The following GALNT13 variants were observed in gnomAD, a reference collection of about 807,000 sequenced individuals.
GALNT13 encodes the protein polypeptide N-acetylgalactosaminyltransferase 13, also known as UDP-GalNAc:polypeptide N-acetylgalactosaminyltransferase 13.
In GALNT13, 28 loss-of-function variants were observed where a neutral mutation model predicts 64.2. The ratio of observed to expected loss-of-function variants is 0.44; its 90% CI spans 0.32 to 0.60. The LOEUF is 0.60. GALNT13 is among the 20% of genes least tolerant of loss of function. GALNT13 has a pLI of 0.05. For synonymous variants in GALNT13, 214 were observed against 224.6 expected (o/e 0.95, Z 0.42); for missense variants, 577 against 669.8 (o/e 0.86, Z 1.53).
the GALNT13 span, among the ~76,000 whole-genome samples, chr2:153,405,936 G>A: frequency 6.6e-6 from 1 of 152,258 alleles, no homozygotes. Flanking sequence ...GTTAGAGAGC[G>A]CTTCGTAGGG....
the GALNT13 span, among the ~76,000 whole-genome samples, chr2:153,148,098 G>T: frequency 2.6e-5 from 4 of 151,762 alleles, no homozygotes; most frequent in African/African-American, 9.7e-5. Flanking sequence ...ACATTTGGGG[G>T]AACTCTAATA....
the GALNT13 span, among the ~76,000 whole-genome samples, chr2:153,616,419 G>C: frequency 6.6e-6 from 1 of 151,780 alleles, no homozygotes; most frequent in African/African-American, 2.4e-5. Context: ...TGTGTCTTAT[G>C]TGGTTCCATA....
the GALNT13 span, among the ~76,000 whole-genome samples, chr2:153,446,088 A>G: frequency 6.6e-6 from 1 of 152,224 alleles, no homozygotes; most frequent in East Asian, 1.9e-4. Flanking sequence ...ATTAAAAAAG[A>G]ATTAGAGTCT....
At chr2:153,645,528 A>C in the GALNT13 span, among the ~76,000 whole-genome samples, 1 of 152,154 alleles carries the variant, frequency 6.6e-6, no homozygotes, top group Admixed American at 6.6e-5. Context: ...AAAATTATGC[A>C]AATAGAATAC....
At chr2:153,476,069 A>AC in the GALNT13 span, among the ~76,000 whole-genome samples, 1 of 152,140 alleles carries the variant, frequency 6.6e-6, no homozygotes, top group African/African-American at 2.4e-5. Context: ...AAGCAAACAA[A>AC]CCCTTACCTG....
chr2:153,893,542 T>C (rs1045068035), intron 1 of GALNT13, among the ~76,000 whole-genome samples: 1 of 152,134 alleles, frequency 6.6e-6, no homozygotes, highest in Non-Finnish European at 1.5e-5. Context: ...TGAATTGTTA[T>C]ACTGAATTTA....
the GALNT13 span, among the ~76,000 whole-genome samples, chr2:153,797,673 G>T: frequency 6.6e-6 from 1 of 152,130 alleles, no homozygotes; most frequent in Non-Finnish European, 1.5e-5. Context: ...CTCCCCTTGT[G>T]ATGAGAGGCT....
chr2:153,682,058 A>G, the GALNT13 span, among the ~76,000 whole-genome samples: 8 of 151,680 alleles, frequency 5.3e-5, no homozygotes, highest in East Asian at 5.8e-4. Flanking sequence ...TGAACGTTCA[A>G]TGTCGTGGCA....
chr2:153,345,711 CT>C, the GALNT13 span, among the ~76,000 whole-genome samples: 5 of 48,358 alleles, frequency 1.0e-4, no homozygotes, highest in South Asian at 1.9e-3. Flanking sequence ...TTCTCTTTCT[CT>C]CTTTCTGTCC....
the GALNT13 span, among the ~76,000 whole-genome samples, chr2:153,080,530 T>G: frequency 6.6e-6 from 1 of 152,170 alleles, no homozygotes; most frequent in Non-Finnish European, 1.5e-5. Context: ...GGTATTGATC[T>G]ACCATTTCTT....
At chr2:153,531,176 C>T in the GALNT13 span, among the ~76,000 whole-genome samples, 29 of 152,210 alleles carry the variant, frequency 1.9e-4, no homozygotes, top group Admixed American at 1.0e-3. Flanking sequence ...TAAAGAAATA[C>T]CTAAGAATGG....
chr2:153,465,182 A>T, the GALNT13 span, among the ~76,000 whole-genome samples: 2 of 152,104 alleles, frequency 1.3e-5, no homozygotes, highest in Admixed American at 6.6e-5. Context: ...AGCCTGAAAC[A>T]TTACTCTTGT....
At position 154,298,709 on chromosome 2, in the gene GALNT13, T is replaced by G. The variant is rs189191075; in HGVS notation, c.976-2700T>G. Among the ~76,000 whole-genome samples, 299 of 71,850 alleles carry G rather than the reference T, an allele frequency of 4.2e-3. 51 individuals carry two copies. The highest frequency in any genetic ancestry group is 0.02 in the Middle Eastern group (1 of 50). The allele number at this position is 71,850 out of a possible 152,430, so 47.1% of individuals were successfully genotyped here. A position where few individuals can be genotyped will look rare whatever the true frequency, so the allele number is the denominator to read the frequency against. On this transcript the variant is annotated intron_variant, in intron 8 of 12. Transcript: ENST00000392825. ...TTTATATATACATTGTATATACAAT[T>G]TATATATAAATTATATTATTTATAT...
the GALNT13 span, among the ~76,000 whole-genome samples, chr2:153,362,592 T>C: frequency 1.4e-5 from 2 of 140,152 alleles, no homozygotes; most frequent in African/African-American, 5.3e-5. Context: ...GTTGCAATCC[T>C]AGTCTCTGAC....
chr2:153,806,428 G>A, the GALNT13 span, among the ~76,000 whole-genome samples: 5 of 152,010 alleles, frequency 3.3e-5, no homozygotes, highest in African/African-American at 1.2e-4. Flanking sequence ...TAACAGAGGA[G>A]AAGCGTGTCT....
chr2:153,462,107 T>C, the GALNT13 span, among the ~76,000 whole-genome samples: 8 of 149,392 alleles, frequency 5.4e-5, no homozygotes, highest in Non-Finnish European at 1.0e-4. Context: ...AGATTTTCAC[T>C]TTTTTTTTTC....
chr2:154,283,000 G>A (rs1282333370), intron 8 of GALNT13, among the ~76,000 whole-genome samples: 1 of 152,170 alleles, frequency 6.6e-6, no homozygotes, highest in African/African-American at 2.4e-5. Flanking sequence ...TATCAAGAAT[G>A]AGGAGAAAAA....
At chr2:153,532,157 C>T in the GALNT13 span, among the ~76,000 whole-genome samples, 1 of 152,154 alleles carries the variant, frequency 6.6e-6, no homozygotes, top group African/African-American at 2.4e-5. Context: ...TCTGTGAGCG[C>T]TCCACTCCTG....
chr2:153,833,969 C>T, the GALNT13 span, among the ~76,000 whole-genome samples: 119 of 150,502 alleles, frequency 7.9e-4, no homozygotes, highest in African/African-American at 2.6e-3. Context: ...ATTATCACTC[C>T]GAAAAGAGTG....
Sources: allele counts gnomAD v4.1 joint callset (sites outside exome capture counted in the v4.1 genomes callset), GRCh38; gene constraint gnomAD v4.1.1; transcripts MANE v1.5; gene names NCBI Gene and HGNC (gene_info 2026-07-23, HGNC 2026-07-21).